TSSK4: variants seen among roughly 807,000 people sequenced by gnomAD.
TSSK4 encodes testis-specific serine/threonine-protein kinase 4.
Under a neutral mutation model 28.5 loss-of-function variants are expected in TSSK4, and 22 were observed. The observed-to-expected ratio is 0.77, with a 90% CI of 0.55 to 1.10. The LOEUF (loss-of-function observed/expected upper bound fraction) is 1.10. TSSK4 is among the 50% of genes least tolerant of loss of function. The pLI, the probability that TSSK4 is intolerant of heterozygous loss-of-function variation, is 0.00. For synonymous variants in TSSK4, 151 were observed against 158.3 expected, an observed-to-expected ratio of 0.95 and a Z score of 0.35; for missense variants, 329 against 415.4, an observed-to-expected ratio of 0.79 and a Z score of 1.81.
In TSSK4 at chr14:24,206,216, G is replaced by T. The variant is rs185631041; in HGVS notation, c.225+68G>T. On this transcript the variant is annotated intron_variant, in intron 1 of 3. Coordinates refer to ENST00000339917, the MANE Select transcript of TSSK4 (RefSeq NM_001184739.2). ...AGCTGCTTGAGGTTTCTCAGAAGGG[G>T]TATGGCCAGGAGGGGTGGGGCCAGA... is the stretch of plus-strand genomic sequence containing the variant. 467 of 1,477,814 alleles carry T rather than the reference G, an allele frequency of 3.2e-4. 2 individuals are homozygous for T. The African/African-American group carries it at 4.6e-3, about 15-fold the overall frequency. 91.5% of individuals were successfully genotyped at this position (1,477,814 alleles called of 1,614,324 possible). A position where few individuals can be genotyped will look rare whatever the true frequency, so the allele number is the denominator to read the frequency against.
At chr14:24,206,918 G>A in intron 2 of TSSK4, 195 bp downstream of exon 2, 2 of 986,456 alleles carry the variant, frequency 2.0e-6, no homozygotes, top group Non-Finnish European at 3.1e-6. Flanking sequence ...GAAATACAAT[G>A]GTGAGCTCCC....
intron 1 of TSSK4, 123 bp downstream of exon 1, chr14:24,206,271 C>A: frequency 1.0e-6 from 1 of 969,024 alleles, no homozygotes. Context: ...AAATGTCTCA[C>A]TAAGCAGCTA....
chr14:24,207,294 A>G lies in TSSK4; in HGVS notation c.619A>G (p.Thr207Ala). 6.2e-7 allele frequency: 1 copy of G among 1,614,062 alleles called. No individual in the cohort carries two copies. The highest frequency in any genetic ancestry group is 8.5e-7 in the Non-Finnish European group (1 of 1,179,994). The change falls in exon 3 of 4, where the codon ACT becomes GCT. Residue 207 changes from threonine to alanine, a missense_variant. Physicochemically the swap from Thr to Ala is moderately conservative, Grantham distance 58. Around this residue, in one of 3 missense-constraint regions of TSSK4, gnomAD observed 139 missense variants for 178.1 expected, o/e 0.78. Transcript: ENST00000339917. ...QVNCFSHLSQ[T>A]YCGSFAYACP... ...GAACTGCTTTTCCCACCTCAGCCAG[A>G]CTTACTGTGGCAGCTTTGCTTACGC...
In TSSK4 at chr14:24,207,322, G is replaced by GCCCAGAGATCTTA. The variant is rs1566657084; in HGVS notation, c.649_661dup (p.Arg221ProfsTer15). On this transcript the variant is annotated frameshift_variant, in exon 3 of 4. Transcript: ENST00000339917. LOFTEE classifies it high-confidence loss of function. ...TACTGTGGCAGCTTTGCTTACGCTT[G>GCCCAGAGATCTTA]CCCAGAGATCTTACGAGGCTTGCCC... 6.2e-7 allele frequency: 1 copy of GCCCAGAGATCTTA among 1,614,134 alleles called. No homozygotes were observed. The highest frequency in any genetic ancestry group is 2.2e-5 in the East Asian group (1 of 44,886).
In TSSK4 at chr14:24,206,131, C is replaced by G; in HGVS notation, c.208C>G (p.Leu70Val). ...CTCTGATGACTATCTTAACAAGTTC[C>G]TGCCCCGTGAAATACAGGTTGGAAA... ...KASDDYLNKF[L>V]PREIQVMKVL... is the part of the protein sequence containing the mutation. Residue 70 changes from leucine (L) to valine (V), a missense_variant, in exon 1 of 4, where the codon CTG becomes GTG. Physicochemically the swap from Leu to Val is conservative, Grantham distance 32. Transcript: ENST00000339917. 2 of 1,614,126 alleles carry G rather than the reference C, an allele frequency of 1.2e-6. No individual in the cohort carries two copies. The highest frequency in any genetic ancestry group is 1.7e-6 in the Non-Finnish European group (2 of 1,180,028).
intron 3 of TSSK4, 35 bp downstream of exon 3, chr14:24,207,544 G>A (rs1422641811): frequency 6.4e-7 from 1 of 1,559,150 alleles, no homozygotes. Context: ...AGCCTTCAGG[G>A]ATGACCCACA....
rs1337981554 is a variant in TSSK4 at position 24,208,206 on chromosome 14, T to C, written c.*60T>C. ...AGCAGGAGGTCTTGGGCTAAAAATC[T>C]TTTTTACCAAAAATAAATCTAAGTC... is the stretch of plus-strand genomic sequence containing the variant. On this transcript the variant is annotated 3_prime_UTR_variant, in exon 4 of 4. Transcript: ENST00000339917. The C allele has an allele frequency of 4.0e-6, 6 of 1,491,376 alleles. No homozygotes were observed. The highest frequency in any genetic ancestry group is 5.1e-5 in the Admixed American group (2 of 39,018). 92.4% of individuals were successfully genotyped at this position (1,491,376 alleles called of 1,614,324 possible). A position where few individuals can be genotyped will look rare whatever the true frequency, so the allele number is the denominator to read the frequency against.
In TSSK4 at chr14:24,205,934, G is replaced by C; in HGVS notation, c.11G>C (p.Gly4Ala). Residue 4 changes from glycine to alanine, a missense_variant, in exon 1 of 4, where the codon GGA becomes GCA. This residue lies in a region of TSSK4 where 175 missense variants were observed against 196.0 expected (regional missense o/e 0.89). Transcript: ENST00000339917. ...AGCAAGCCCAACACCATGGGGAAGGGAGATGTCTTAGAGGCAGCACCAACC... is the reference window on the plus strand; with the variant it reads ...AGCAAGCCCAACACCATGGGGAAGGCAGATGTCTTAGAGGCAGCACCAACC... MGKGDVLEAAPTTT... is the reference protein window; with the variant it reads MGKADVLEAAPTTT... The C allele has an allele frequency of 6.2e-7, 1 of 1,613,748 alleles. No individual in the cohort carries two copies. Among genetic ancestry groups the C allele is most frequent in the Non-Finnish European group, 8.5e-7 (1 of 1,179,998 alleles).
chr14:24,207,110 C>CCCCAGCCTGATG lies in TSSK4; in HGVS notation c.444_455dup. On this transcript the variant is annotated splice_polypyrimidine_tract_variant and splice_region_variant and intron_variant, in intron 2 of 3. Coordinates refer to ENST00000339917, the MANE Select transcript of TSSK4 (RefSeq NM_001184739.2). ...CTCCCAGTCTAAAACTAAGCCCTCT[C>CCCCAGCCTGATG]CCCAGCCTGATGCCCAGCCTTTCTG... 1 of 1,604,160 alleles carries CCCCAGCCTGATG rather than the reference C, an allele frequency of 6.2e-7. No homozygotes were observed. Among genetic ancestry groups the CCCCAGCCTGATG allele is most frequent in the Non-Finnish European group, 8.5e-7 (1 of 1,179,988 alleles).
chr14:24,206,412 G>T, intron 1 of TSSK4, 97 bp from the exon 2 acceptor site: 1 of 1,333,772 alleles, frequency 7.5e-7, no homozygotes, highest in Non-Finnish European at 1.1e-6. Context: ...TGATCCTATT[G>T]CAAAGTCCTA....
Position 24,207,144 on chromosome 14 carries a change from A to G in TSSK4, c.469A>G (p.Arg157Gly). Reference sequence around the variant, plus strand: ...GATGCCCAGCCTTTCTGCTGCTGGTAGGGACTTAAAGTTGGAGAACCTGTT... The same window carrying G: ...GATGCCCAGCCTTTCTGCTGCTGGTGGGGACTTAAAGTTGGAGAACCTGTT... ...RLMPSLSAAG[R>G]DLKLENLLLD... The change falls in exon 3 of 4, where the codon AGG becomes GGG. Residue 157 changes from arginine to glycine, a missense_variant. Physicochemically the swap from Arg to Gly is moderately radical, Grantham distance 125. This residue lies in a region of TSSK4 where 175 missense variants were observed against 196.0 expected (regional missense o/e 0.89). Transcript: ENST00000339917. 1 of 1,610,386 alleles carries G rather than the reference A, an allele frequency of 6.2e-7. No homozygotes were observed. The highest frequency in any genetic ancestry group is 8.5e-7 in the Non-Finnish European group (1 of 1,180,028).
chr14:24,205,857 A>G lies in TSSK4; in HGVS notation c.-67A>G. ...TGATACCCTAGCCTTCAGCAGCTCA[A>G]GGTGTTGGCCTTTGGATAGGAGGCT... On this transcript the variant is annotated 5_prime_UTR_variant, in exon 1 of 4. Transcript: ENST00000339917. 8.0e-7 allele frequency: 1 copy of G among 1,254,444 alleles called. No individual in the cohort carries two copies. The highest frequency in any genetic ancestry group is 1.2e-6 in the Non-Finnish European group (1 of 856,896). 77.7% of individuals were successfully genotyped at this position (1,254,444 alleles called of 1,614,324 possible).
At chr14:24,207,770 T>C in intron 3 of TSSK4, 194 bp from the exon 4 acceptor site, 1 of 1,132,028 alleles carries the variant, frequency 8.8e-7, no homozygotes, top group Non-Finnish European at 1.3e-6. Flanking sequence ...TGGAAAGCAT[T>C]CCTCCCAAGG....
At position 24,207,123 on chromosome 14, in the gene TSSK4, C is replaced by A. The variant is rs995291863; in HGVS notation, c.448C>A (p.Pro150Thr). 6.2e-7 allele frequency: 1 copy of A among 1,606,398 alleles called. No individual in the cohort carries two copies. The highest frequency in any genetic ancestry group is 8.5e-7 in the Non-Finnish European group (1 of 1,180,002). Residue 150 changes from proline to threonine, a missense_variant, in exon 3 of 4, where the codon CCC (proline) becomes ACC (threonine). Physicochemically the swap from Pro to Thr is conservative, Grantham distance 38. This residue lies in a region of TSSK4 where 175 missense variants were observed against 196.0 expected (regional missense o/e 0.89). Transcript: ENST00000339917. ...HSKSIVHRLM[P>T]SLSAAGRDLK... ...ACTAAGCCCTCTCCCCAGCCTGATG[C>A]CCAGCCTTTCTGCTGCTGGTAGGGA...
chr14:24,206,234 G>T (rs1311309964), intron 1 of TSSK4, 86 bp downstream of exon 1: 10 of 1,327,246 alleles, frequency 7.5e-6, no homozygotes, highest in Non-Finnish European at 1.1e-5. Context: ...AGGAGGGGTG[G>T]GGCCAGAAAC....
chr14:24,206,891 T>C (rs777864692), intron 2 of TSSK4, 168 bp downstream of exon 2: 2 of 980,940 alleles, frequency 2.0e-6, no homozygotes, highest in Non-Finnish European at 3.1e-6. Flanking sequence ...GTACTCACTG[T>C]ATGCAAAGCA....
At position 24,205,736 on chromosome 14, in the gene TSSK4, C is replaced by T. The variant is rs2138850982; in HGVS notation, c.-188C>T. 1 of 591,786 alleles carries T rather than the reference C, an allele frequency of 1.7e-6. No homozygotes were observed. The highest frequency in any genetic ancestry group is 3.0e-6 in the Non-Finnish European group (1 of 329,420). 36.7% of individuals were successfully genotyped at this position (591,786 alleles called of 1,614,324 possible). A position where few individuals can be genotyped will look rare whatever the true frequency, so the allele number is the denominator to read the frequency against. On this transcript the variant is annotated 5_prime_UTR_variant, in exon 1 of 4. Transcript: ENST00000339917. ...AGTGGAGACAAAAAGAACTGCTTCTCTTTCTTTCCCCCTCCAAGTTCCTAG... is the reference window on the plus strand; with the variant it reads ...AGTGGAGACAAAAAGAACTGCTTCTTTTTCTTTCCCCCTCCAAGTTCCTAG...
Position 24,208,228 on chromosome 14 carries a change from A to T in TSSK4, c.*82A>T. 6.9e-7 allele frequency: 1 copy of T among 1,449,286 alleles called. No homozygotes were observed. Among genetic ancestry groups the T allele is most frequent in the Non-Finnish European group, 9.1e-7 (1 of 1,093,238 alleles). The allele number at this position is 1,449,286 out of a possible 1,614,324, so 89.8% of individuals were successfully genotyped here. On this transcript the variant is annotated 3_prime_UTR_variant, in exon 4 of 4. Coordinates refer to ENST00000339917, the MANE Select transcript of TSSK4 (RefSeq NM_001184739.2). Reference sequence around the variant, plus strand: ...ATCTTTTTTACCAAAAATAAATCTAAGTCTGATTTAGTTTCATCAACTAGG... The same window carrying T: ...ATCTTTTTTACCAAAAATAAATCTATGTCTGATTTAGTTTCATCAACTAGG...
chr14:24,207,069 A>G, intron 2 of TSSK4, 47 bp from the exon 3 acceptor site: 1 of 1,598,520 alleles, frequency 6.3e-7, no homozygotes, highest in Non-Finnish European at 8.5e-7. Flanking sequence ...TTACCCTCTG[A>G]CCCCTGGCCC....
Sources: allele counts gnomAD v4.1 joint callset, GRCh38; gene constraint gnomAD v4.1.1; regional missense constraint gnomAD v4.1.1; transcripts MANE v1.5; gene names NCBI Gene and HGNC (gene_info 2026-07-23, HGNC 2026-07-21).